The following CASKIN1 variants were observed in gnomAD, a reference collection of about 807,000 sequenced individuals.
The protein encoded by CASKIN1 is caskin-1.
Under a neutral mutation model 117.5 loss-of-function variants are expected in CASKIN1, and 42 were observed. The observed-to-expected ratio is 0.36, with a 90% CI of 0.28 to 0.46. CASKIN1 has a LOEUF of 0.46. Among genes scored for constraint, CASKIN1 ranks in the 20% least tolerant of loss-of-function variants. The probability of loss-of-function intolerance (pLI) is 1.00; values close to 1 mark genes in which losing one functional copy is unlikely to be tolerated. For missense variants in CASKIN1, 2,083 were observed against 2,077.3 expected (o/e 1.00, Z -0.05); for synonymous variants, 1,148 against 961.7 (o/e 1.19, Z -3.59).
Position 2,179,033 on chromosome 16 carries a change from G to A in CASKIN1, c.4068C>T (p.Pro1356=), listed in dbSNP as rs1374216464. 15 of 1,137,384 alleles carry A rather than the reference G, an allele frequency of 1.3e-5. No homozygotes were observed. Among genetic ancestry groups the A allele is most frequent in the African/African-American group, 3.3e-5 (2 of 60,072 alleles). The allele number at this position is 1,137,384 out of a possible 1,614,324, so 70.5% of individuals were successfully genotyped here. The part of the protein sequence containing the change: ...AAAAAAAAAA[P]PAPPEGASPG... The stretch of plus-strand genomic sequence containing the variant: ...GCGAGGCGCCTTCGGGCGGGGCGGG[G>A]GGCGCGGCGGCGGCGGCGGCGGCGG... Residue 1356 remains proline, a synonymous_variant, in exon 19 of 20, where the codon CCC becomes CCT. Transcript: ENST00000343516. The surrounding 1 kb of genome is among the most constrained non-coding windows in gnomAD (Gnocchi z 5.8).
At position 2,188,963 on chromosome 16, in the gene CASKIN1, G is replaced by A. The variant is rs551221594; in HGVS notation, c.617+64C>T. Reference sequence around the variant, plus strand: ...CCCAAGCCAGAAGCTGGTGCCCTGAGCCCCAGGCTGCTGCTGAACCCTGGG... The same window carrying A: ...CCCAAGCCAGAAGCTGGTGCCCTGAACCCCAGGCTGCTGCTGAACCCTGGG... On this transcript the variant is annotated intron_variant, in intron 6 of 19. Transcript: ENST00000343516. The A allele has an allele frequency of 4.5e-6, 7 of 1,553,202 alleles. No homozygotes were observed. In the African/African-American group the frequency reaches 5.5e-5, roughly 12 times the overall value.
In CASKIN1 at chr16:2,178,458, G is replaced by T. The variant is rs1337519131; in HGVS notation, c.*92C>A. On this transcript the variant is annotated 3_prime_UTR_variant, in exon 20 of 20. Transcript: ENST00000343516. ...TGCTTCTGCAGGGCCCTGCCCGGCC[G>T]CTCGCGCCGCGCCCAGACGCGCCCA... is the stretch of plus-strand genomic sequence containing the variant. 2.9e-6 allele frequency: 3 copies of T among 1,034,150 alleles called. No homozygotes were observed. Among genetic ancestry groups the T allele is most frequent in the Non-Finnish European group, 2.6e-6 (2 of 757,490 alleles). 64.1% of individuals were successfully genotyped at this position (1,034,150 alleles called of 1,614,324 possible).
chr16:2,189,336 G>T lies in CASKIN1; in HGVS notation c.391-3C>A. On this transcript the variant is annotated splice_polypyrimidine_tract_variant and splice_region_variant and intron_variant, in intron 4 of 19. Coordinates refer to ENST00000343516, the MANE Select transcript of CASKIN1 (RefSeq NM_020764.4). The stretch of plus-strand genomic sequence containing the variant: ...TGGTGCTGTAGCAGCATCTCAGACT[G>T]GGGGCCAAGGGCGCAGTCAGGTCCG... 6.2e-7 allele frequency: 1 copy of T among 1,612,846 alleles called. No homozygotes were observed. Among genetic ancestry groups the T allele is most frequent in the Non-Finnish European group, 8.5e-7 (1 of 1,179,862 alleles).
chr16:2,183,636 G>A lies in CASKIN1; in HGVS notation c.1629+10C>T. On this transcript the variant is annotated intron_variant, in intron 16 of 19. Transcript: ENST00000343516. ...CCTGGGCCCAGCCCCTGGGATGCAG[G>A]TGGCCTTACGGGTTTGTGCTCAGGC... is the stretch of plus-strand genomic sequence containing the variant. The A allele has an allele frequency of 6.2e-7, 1 of 1,612,494 alleles. No individual in the cohort carries two copies. Among genetic ancestry groups the A allele is most frequent in the South Asian group, 1.1e-5 (1 of 91,070 alleles).
intron 10 of CASKIN1, among the ~76,000 whole-genome samples, chr16:2,186,406 G>C (rs546115390): frequency 1.3e-5 from 2 of 152,156 alleles, no homozygotes; most frequent in Admixed American, 6.5e-5. Context: ...TGTTTACTTC[G>C]CTGTCCCCTG....
At position 2,181,003 on chromosome 16, in the gene CASKIN1, G is replaced by A; in HGVS notation, c.2365C>T (p.Gln789Ter). ...GGACCATGAGGTCCCCCAAGGGCCT[G>A]GGGAGAGCCTGGTCGGGTTTTGGTG... is the stretch of plus-strand genomic sequence containing the variant. ...TPTKTRPGSP[Q>*]ALGGPHGPAP... Residue 789 changes from glutamine to a stop codon, truncating the protein, a stop_gained, in exon 18 of 20, where the codon CAG (glutamine) becomes TAG (stop). Coordinates refer to ENST00000343516, the MANE Select transcript of CASKIN1 (RefSeq NM_020764.4). LOFTEE classifies it high-confidence loss of function. 1 of 1,485,858 alleles carries A rather than the reference G, an allele frequency of 6.7e-7. No homozygotes were observed. The highest frequency in any genetic ancestry group is 8.9e-7 in the Non-Finnish European group (1 of 1,122,562). 92.0% of individuals were successfully genotyped at this position (1,485,858 alleles called of 1,614,324 possible).
rs2141312245 is a variant in CASKIN1 at position 2,180,648 on chromosome 16, T to C, written c.2720A>G (p.Tyr907Cys). ...ELLVPAAAGPYATVQRRVGRS... is the reference protein window; with the variant it reads ...ELLVPAAAGPCATVQRRVGRS... ...GCCCACGCGCCGCTGGACCGTGGCA[T>C]AGGGGCCGGCAGCCGCAGGCACCAG... The change falls in exon 18 of 20, where the codon TAT (tyrosine) becomes TGT (cysteine). Residue 907 changes from tyrosine (Y) to cysteine (C), a missense_variant. Transcript: ENST00000343516. 1.3e-6 allele frequency: 2 copies of C among 1,538,444 alleles called. No individual in the cohort carries two copies. The highest frequency in any genetic ancestry group is 2.7e-5 in the African/African-American group (2 of 72,782).
chr16:2,187,468 G>A lies in CASKIN1; in HGVS notation c.618-7C>T, dbSNP rs750286237. 1.4e-5 allele frequency: 22 copies of A among 1,600,838 alleles called. No homozygotes were observed. The highest frequency in any genetic ancestry group is 2.2e-5 in the East Asian group (1 of 44,872). On this transcript the variant is annotated splice_polypyrimidine_tract_variant and splice_region_variant and intron_variant, in intron 6 of 19. Transcript: ENST00000343516. Reference sequence around the variant, plus strand: ...GCCGGCTTGGAGGAGGAGCCTGGCGGGAAGGCAAGGTGGACAGGCGGGGCC... The same window carrying A: ...GCCGGCTTGGAGGAGGAGCCTGGCGAGAAGGCAAGGTGGACAGGCGGGGCC...
At chr16:2,194,546 C>T (rs1423189531) in intron 1 of CASKIN1, among the ~76,000 whole-genome samples, 1 of 152,180 alleles carries the variant, frequency 6.6e-6, no homozygotes, top group African/African-American at 2.4e-5. Context: ...TGGACACCCC[C>T]CACCTCGTGG....
chr16:2,179,459 G>GA lies in CASKIN1; in HGVS notation c.3775+133dup. ...ACCTTGCCCCCAGCCCTGGATGGAT[G>GA]AGAGGGTCTGGGGACACGTTCCCAC... On this transcript the variant is annotated intron_variant, in intron 18 of 19. Transcript: ENST00000343516. The surrounding 1 kb of genome is among the most constrained non-coding windows in gnomAD (Gnocchi z 5.8). 7.2e-7 allele frequency: 1 copy of GA among 1,384,770 alleles called. No homozygotes were observed. The highest frequency in any genetic ancestry group is 9.3e-7 in the Non-Finnish European group (1 of 1,073,550). The allele number at this position is 1,384,770 out of a possible 1,614,324, so 85.8% of individuals were successfully genotyped here. A position where few individuals can be genotyped will look rare whatever the true frequency, so the allele number is the denominator to read the frequency against.
At position 2,189,059 on chromosome 16, in the gene CASKIN1, G is replaced by A. The variant is rs370326241; in HGVS notation, c.585C>T (p.Leu195=). 3.7e-6 allele frequency: 6 copies of A among 1,613,528 alleles called. 1 individual carries two copies. Among genetic ancestry groups the A allele is most frequent in the South Asian group, 2.2e-5 (2 of 91,048 alleles). The change falls in exon 6 of 20, where the codon CTC becomes CTT. Residue 195 remains leucine (L), a synonymous_variant. Transcript: ENST00000343516. ...TDPNGTSPLH[L]AAKNGHIDII... is the part of the protein sequence containing the mutation. ...TGTCGATGTGGCCGTTTTTAGCTGCGAGGTGCAAAGGGCTGGTGCCGTTGG... is the reference window on the plus strand; with the variant it reads ...TGTCGATGTGGCCGTTTTTAGCTGCAAGGTGCAAAGGGCTGGTGCCGTTGG...
chr16:2,185,525 T>C, intron 10 of CASKIN1, 117 bp from the exon 11 acceptor site: 1 of 835,508 alleles, frequency 1.2e-6, no homozygotes, highest in Non-Finnish European at 1.8e-6. Context: ...CCCACCATTG[T>C]CTCCAGGGAG....
chr16:2,181,682 TTGGGGCCCAGCTTGGGGCTGGGGCGGGGC>T (rs1357736799), intron 17 of CASKIN1, 80 bp downstream of exon 17: 5 of 1,065,500 alleles, frequency 4.7e-6, no homozygotes, highest in Non-Finnish European at 4.9e-6. Context: ...TGGGCTGGGC[TTGGGGCCCAGCTTGGGGCTGGGGCGGGGC>T]TGGGGCTGGG....
chr16:2,181,072 C>T lies in CASKIN1; in HGVS notation c.2296G>A (p.Val766Ile). ...VPPVPGKPRQ[V>I]LPPGTSHFTP... ...AAGTGGCTAGTGCCTGGTGGGAGGA[C>T]CTGCCGTGGCTTGCCAGGCACGGGG... Residue 766 changes from valine (V) to isoleucine (I), a missense_variant, in exon 18 of 20, where the codon GTC (valine) becomes ATC (isoleucine). Physicochemically the swap from Val to Ile is conservative, Grantham distance 29. This residue lies in a region of CASKIN1 where 1,818 missense variants were observed against 1,688.9 expected (regional missense o/e 1.08). Transcript: ENST00000343516. 6.7e-7 allele frequency: 1 copy of T among 1,487,230 alleles called. No homozygotes were observed. Among genetic ancestry groups the T allele is most frequent in the Non-Finnish European group, 8.9e-7 (1 of 1,124,346 alleles). 92.1% of individuals were successfully genotyped at this position (1,487,230 alleles called of 1,614,324 possible). A position where few individuals can be genotyped will look rare whatever the true frequency, so the allele number is the denominator to read the frequency against.
chr16:2,193,032 T>C (rs917627631), intron 1 of CASKIN1, among the ~76,000 whole-genome samples: 2 of 152,206 alleles, frequency 1.3e-5, no homozygotes, highest in African/African-American at 4.8e-5. Flanking sequence ...TTTTTTTTTA[T>C]TGGAGATGGA....
intron 6 of CASKIN1, among the ~76,000 whole-genome samples, chr16:2,188,674 G>A (rs2093192010): frequency 6.6e-6 from 1 of 152,128 alleles, no homozygotes; most frequent in African/African-American, 2.4e-5. Context: ...ACTGTTGAAG[G>A]GCCCTCCCTG....
At chr16:2,190,468 G>A (rs554779735) in intron 1 of CASKIN1, 110 bp from the exon 2 acceptor site, 2 of 970,122 alleles carry the variant, frequency 2.1e-6, no homozygotes, top group Admixed American at 4.4e-5. Context: ...AAGCTGCTGG[G>A]CTCTCAGTCT....
Position 2,183,854 on chromosome 16 carries a change from T to C in CASKIN1, c.1504A>G (p.Thr502Ala), listed in dbSNP as rs754773559. ...ACCTCGGGAGTCATGCGGCTGATGG[T>C]GGGCAGGTCGTAGCCGGCGCTGATG... ...NFISAGYDLPTISRMTPEDLT... is the reference protein window; with the variant it reads ...NFISAGYDLPAISRMTPEDLT... The change falls in exon 15 of 20, where the codon ACC becomes GCC. Residue 502 changes from threonine to alanine, a missense_variant. This residue lies in a region of CASKIN1 where 1,818 missense variants were observed against 1,688.9 expected (regional missense o/e 1.08). Transcript: ENST00000343516. 3 of 1,612,770 alleles carry C rather than the reference T, an allele frequency of 1.9e-6. No individual in the cohort carries two copies. The highest frequency in any genetic ancestry group is 8.5e-7 in the Non-Finnish European group (1 of 1,179,730).
At position 2,187,079 on chromosome 16, in the gene CASKIN1, A is replaced by T. The variant is rs1292788393; in HGVS notation, c.836-7T>A. 6.2e-7 allele frequency: 1 copy of T among 1,613,228 alleles called. No individual in the cohort carries two copies. The highest frequency in any genetic ancestry group is 1.7e-5 in the Admixed American group (1 of 60,006). ...TGCAGGGCCGCTGAGGCCTCTGGGG[A>T]TACAGGAGGGGGCCCCCGAAGTCCT... is the stretch of plus-strand genomic sequence containing the variant. On this transcript the variant is annotated splice_polypyrimidine_tract_variant and splice_region_variant and intron_variant, in intron 8 of 19. Transcript: ENST00000343516.
Sources: gnomAD v4.1 joint callset for allele counts (sites outside exome capture counted in the v4.1 genomes callset) on GRCh38, gnomAD v4.1.1 for gene constraint, gnomAD v4.1.1 regional missense constraint, Gnocchi (gnomAD v3.1) non-coding constraint, MANE v1.5 for transcripts, NCBI Gene and HGNC (gene_info 2026-07-23, HGNC 2026-07-21) for gene names.